Variants in COLEC11 observed in about 807,000 individuals in gnomAD.
COLEC11 encodes the protein collectin subfamily member 11.
In COLEC11, 20 loss-of-function variants were observed where a neutral mutation model predicts 27.3. The ratio of observed to expected loss-of-function variants is 0.73; its 90% CI spans 0.51 to 1.06. The LOEUF is 1.06. COLEC11 is among the 50% of genes least tolerant of loss of function. COLEC11 has a pLI of 0.00. For missense variants in COLEC11, 310 were observed against 383.0 expected, an observed-to-expected ratio of 0.81 and a Z score of 1.59; for synonymous variants, 163 against 154.7, an observed-to-expected ratio of 1.05 and a Z score of -0.40.
intron 1 of COLEC11, among the ~76,000 whole-genome samples, chr2:3,596,564 C>T (rs879359543): frequency 3.9e-5 from 6 of 152,114 alleles, no homozygotes; most frequent in African/African-American, 4.8e-5. Context: ...CTCTCGAACT[C>T]CTAACCAGGT....
At chr2:3,609,784 G>C (rs13009813) in intron 2 of COLEC11, among the ~76,000 whole-genome samples, 104,612 of 151,520 alleles carry the variant, frequency 0.69, 36,604 homozygotes, top group South Asian at 0.88. Context: ...CCCGCCTTGG[G>C]CTCCCAAAAT....
At chr2:3,609,086 C>T (rs777315217) in intron 2 of COLEC11, among the ~76,000 whole-genome samples, 8 of 152,248 alleles carry the variant, frequency 5.3e-5, no homozygotes, top group African/African-American at 9.6e-5. Context: ...GGCTGAAATG[C>T]GCCTGGCCCT....
chr2:3,625,606 T>C (rs1664489346), intron 3 of COLEC11, among the ~76,000 whole-genome samples: 1 of 143,294 alleles, frequency 7.0e-6, no homozygotes, highest in Admixed American at 7.3e-5. Flanking sequence ...GTTTGGAAAG[T>C]TTCTTTTCTT....
chr2:3,613,152 G>T (rs1443268739), intron 2 of COLEC11, among the ~76,000 whole-genome samples, 159 bp from the exon 3 acceptor site: 2 of 152,206 alleles, frequency 1.3e-5, no homozygotes, highest in Non-Finnish European at 2.9e-5. Flanking sequence ...ACCCAGAGTA[G>T]CGGCTGGGCT....
chr2:3,603,528 A>G (rs1662395672), intron 1 of COLEC11: 4 of 872,160 alleles, frequency 4.6e-6, no homozygotes, highest in Non-Finnish European at 3.8e-6. Flanking sequence ...TGTTGTCCAG[A>G]CTGGTCTCGA....
intron 3 of COLEC11, among the ~76,000 whole-genome samples, chr2:3,637,316 G>A (rs906181776): frequency 6.6e-6 from 1 of 152,220 alleles, no homozygotes; most frequent in East Asian, 1.9e-4. Flanking sequence ...ACTTCTGGGG[G>A]AAGTGCATCT....
At chr2:3,642,890 C>T (rs1166590581) in intron 5 of COLEC11, among the ~76,000 whole-genome samples, 1 of 152,218 alleles carries the variant, frequency 6.6e-6, no homozygotes, top group Non-Finnish European at 1.5e-5. Context: ...TGTGTGTGCC[C>T]ACGATGCCCA....
At chr2:3,603,708 C>A (rs1662412129) in intron 1 of COLEC11, 30 of 1,545,810 alleles carry the variant, frequency 1.9e-5, no homozygotes, top group African/African-American at 2.7e-5. Context: ...GTCCATGACA[C>A]CCCTCTTCCT....
chr2:3,609,559 C>T (rs1202809149), intron 2 of COLEC11, among the ~76,000 whole-genome samples: 3 of 148,442 alleles, frequency 2.0e-5, no homozygotes, highest in Admixed American at 6.8e-5. Flanking sequence ...AATGGAGTTT[C>T]GCTCTTGTTG....
intron 5 of COLEC11, chr2:3,641,092 T>G (rs905598584): frequency 5.2e-6 from 2 of 382,118 alleles, no homozygotes; most frequent in African/African-American, 5.0e-5. Context: ...CCACCCACCA[T>G]GTAGACCCCA....
chr2:3,612,968 G>C lies in COLEC11; in HGVS notation c.131-343G>C, dbSNP rs1000026153. ...CATGGGGGCGCCTGGAGACGCTGCC[G>C]CCCTTCTCATTGGTGTTAGGGTTGG... On this transcript the variant is annotated intron_variant, in intron 2 of 6. Coordinates refer to ENST00000349077, the MANE Select transcript of COLEC11 (RefSeq NM_024027.5). 4.1e-5 allele frequency among the ~76,000 whole-genome samples: 6 copies of C among 146,378 alleles called. No homozygotes were observed. The South Asian group carries it at 1.2e-3, about 30-fold the overall frequency.
At chr2:3,611,292 T>C (rs12988769) in intron 2 of COLEC11, among the ~76,000 whole-genome samples, 105,241 of 152,170 alleles carry the variant, frequency 0.69, 36,915 homozygotes, top group South Asian at 0.88. Context: ...TCATCCTGGG[T>C]CACCGGGGAC....
intron 3 of COLEC11, among the ~76,000 whole-genome samples, chr2:3,614,143 T>TG (rs34320034): frequency 0.68 from 102,617 of 150,898 alleles, 35,584 homozygotes; most frequent in South Asian, 0.84. Context: ...AATTTTTTTT[T>TG]GGGGGGTATT....
intron 3 of COLEC11, among the ~76,000 whole-genome samples, chr2:3,633,344 T>A (rs1665149363): frequency 6.6e-6 from 1 of 152,204 alleles, no homozygotes; most frequent in Non-Finnish European, 1.5e-5. Context: ...GTAGACAAGT[T>A]AAAACCTGAG....
chr2:3,630,099 A>G (rs1441271552), intron 3 of COLEC11, among the ~76,000 whole-genome samples: 1 of 148,654 alleles, frequency 6.7e-6, no homozygotes, highest in Non-Finnish European at 1.5e-5. Flanking sequence ...GTTTGCATGC[A>G]CATGTATGTA....
chr2:3,644,405 CT>C lies in COLEC11; in HGVS notation c.*290del, dbSNP rs1432882823. On this transcript the variant is annotated 3_prime_UTR_variant, in exon 7 of 7. Transcript: ENST00000349077. Reference sequence around the variant, plus strand: ...AATTGCTCTTCCATAAAGCTTGTGCCTTTGTCCAAGCTATACAATAAAATCT... The same window carrying C: ...AATTGCTCTTCCATAAAGCTTGTGCCTTGTCCAAGCTATACAATAAAATCT... 1 of 614,206 alleles carries C rather than the reference CT, an allele frequency of 1.6e-6. No homozygotes were observed. Among genetic ancestry groups the C allele is most frequent in the East Asian group, 3.4e-5 (1 of 29,038 alleles). The allele number at this position is 614,206 out of a possible 1,614,324, so 38.0% of individuals were successfully genotyped here.
intron 3 of COLEC11, among the ~76,000 whole-genome samples, chr2:3,629,195 A>C (rs1018864655): frequency 6.6e-6 from 1 of 152,222 alleles, no homozygotes; most frequent in Non-Finnish European, 1.5e-5. Flanking sequence ...CTTCAAGTTG[A>C]AATAAGTCAG....
At chr2:3,615,783 ATGGGG>A (rs1163583578) in intron 3 of COLEC11, among the ~76,000 whole-genome samples, 7 of 148,722 alleles carry the variant, frequency 4.7e-5, no homozygotes, top group Non-Finnish European at 1.0e-4. Context: ...CACCTCCCAG[ATGGGG>A]CGGCTGGCCA....
At chr2:3,642,580 C>T (rs555483261) in intron 5 of COLEC11, among the ~76,000 whole-genome samples, 2 of 152,318 alleles carry the variant, frequency 1.3e-5, no homozygotes, top group South Asian at 2.1e-4. Context: ...TAAAGCAAAA[C>T]GACTGCAAAG....
Sources: allele counts gnomAD v4.1 joint callset (sites outside exome capture counted in the v4.1 genomes callset), GRCh38; gene constraint gnomAD v4.1.1; transcripts MANE v1.5; gene names NCBI Gene and HGNC (gene_info 2026-07-23, HGNC 2026-07-21).